The following PSG6 variants were observed in gnomAD, a reference collection of about 807,000 sequenced individuals.
PSG6 encodes the protein pregnancy specific beta-1-glycoprotein 6, also known as pregnancy-specific beta-1-glycoprotein 6.
PSG6 carries 51 observed loss-of-function variants against 43.3 expected under a neutral mutation model. The observed-to-expected ratio is 1.18, with a 90% confidence interval of 0.94 to 1.49. PSG6 has a LOEUF of 1.49. Among genes scored for constraint, PSG6 ranks in the 40% most tolerant of loss-of-function variants. The pLI is 0.00. For synonymous variants in PSG6, 292 were observed against 197.6 expected (o/e 1.48, Z -4.01); for missense variants, 770 against 522.2 (o/e 1.47, Z -4.62).
rs1271126451 is a variant in PSG6 at position 42,902,095 on chromosome 19, G to A, written c.*317C>T. On this transcript the variant is annotated 3_prime_UTR_variant, in exon 6 of 6. Coordinates refer to ENST00000187910, the MANE Select transcript of PSG6 (RefSeq NM_001031850.4). ...GAGAGCAGATTCTTACTGAACTTGTGCAAATAACTTTATTACCATAAACCT... is the reference window on the plus strand; with the variant it reads ...GAGAGCAGATTCTTACTGAACTTGTACAAATAACTTTATTACCATAAACCT... The A allele has an allele frequency of 3.9e-6, 1 of 257,896 alleles. No homozygotes were observed. The highest frequency in any genetic ancestry group is 7.5e-6 in the Non-Finnish European group (1 of 133,194). The allele number at this position is 257,896 out of a possible 1,614,324, so 16.0% of individuals were successfully genotyped here.
intron 3 of PSG6, 27 bp from the exon 4 acceptor site, chr19:42,907,881 G>C (rs777497713): frequency 6.2e-7 from 1 of 1,607,378 alleles, no homozygotes; most frequent in Admixed American, 1.7e-5. Context: ...AGATTGTCCT[G>C]TGTGGCACCT....
In PSG6 at chr19:42,908,004, G is replaced by T. The variant is rs777826358; in HGVS notation, c.707-150C>A. 8.0e-5 allele frequency: 101 copies of T among 1,264,980 alleles called. 1 individual carries two copies. Among genetic ancestry groups the T allele is most frequent in the Non-Finnish European group, 1.1e-4 (96 of 913,182 alleles). 78.4% of individuals were successfully genotyped at this position (1,264,980 alleles called of 1,614,324 possible). A position where few individuals can be genotyped will look rare whatever the true frequency, so the allele number is the denominator to read the frequency against. The stretch of plus-strand genomic sequence containing the variant: ...ATGTGTCACAAGACAGATGTATGAT[G>T]ATCTAAGGGCTCAAAGACTGTGAGG... On this transcript the variant is annotated intron_variant, in intron 3 of 5. Transcript: ENST00000187910.
chr19:42,915,497 C>T (rs992300269), intron 2 of PSG6: 6 of 154,388 alleles, frequency 3.9e-5, no homozygotes, highest in African/African-American at 1.2e-4. Flanking sequence ...GGCTGATGGC[C>T]TACAAAGCTT....
intron 3 of PSG6, 36 bp from the exon 4 acceptor site, chr19:42,907,890 C>A: frequency 1.2e-6 from 2 of 1,604,024 alleles, no homozygotes; most frequent in South Asian, 1.1e-5. Context: ...TGTGTGGCAC[C>A]TTTGATTCCT....
At chr19:42,911,874 TTAGAA>T (rs1568445746) in intron 2 of PSG6, among the ~76,000 whole-genome samples, 2 of 151,234 alleles carry the variant, frequency 1.3e-5, no homozygotes. Context: ...GAATCAGAGA[TTAGAA>T]TAGTAGTTTG....
At chr19:42,914,007 C>G (rs1330219662) in intron 2 of PSG6, among the ~76,000 whole-genome samples, 1 of 151,720 alleles carries the variant, frequency 6.6e-6, no homozygotes. Context: ...TCTTTCTTTA[C>G]TGCAAACCAC....
intron 3 of PSG6, chr19:42,910,018 G>A (rs565414962): frequency 1.1e-5 from 2 of 174,172 alleles, no homozygotes; most frequent in South Asian, 1.4e-4. Context: ...GTGATTTGGG[G>A]TATAAAGAAC....
At chr19:42,903,727 A>C in intron 5 of PSG6, 2 of 762,148 alleles carry the variant, frequency 2.6e-6, no homozygotes, top group Non-Finnish European at 3.5e-6. Flanking sequence ...TGTCTCTACA[A>C]AAAAAAAAAA....
At chr19:42,908,873 G>A (rs188853578) in intron 3 of PSG6, among the ~76,000 whole-genome samples, 2 of 151,768 alleles carry the variant, frequency 1.3e-5, no homozygotes, top group African/African-American at 4.8e-5. Flanking sequence ...AATATGAGAC[G>A]AGGCTGCTGG....
rs750990308 is a variant in PSG6 at position 42,917,719 on chromosome 19, C to T, written c.64+10G>A. On this transcript the variant is annotated intron_variant, in intron 1 of 5. Coordinates refer to ENST00000187910, the MANE Select transcript of PSG6 (RefSeq NM_001031850.4). ...TCCTCCTGTCCTCTCCCAGGAAGTC[C>T]TCTCCTCACCTGTGAGCAGGAGCCC... 4.3e-6 allele frequency: 7 copies of T among 1,609,308 alleles called. No homozygotes were observed. Among genetic ancestry groups the T allele is most frequent in the Non-Finnish European group, 5.9e-6 (7 of 1,177,296 alleles).
In PSG6 at chr19:42,910,556, C is replaced by A. The variant is rs776471661; in HGVS notation, c.706+24G>T. 124 of 1,612,382 alleles carry A rather than the reference C, an allele frequency of 7.7e-5. 4 individuals carry two copies. The highest frequency in any genetic ancestry group is 3.5e-4 in the Admixed American group (21 of 59,910). Reference sequence around the variant, plus strand: ...TTGTATTTGGGATGGCAGCCTGGCTCACAGAGGAACAGAAGATACTCACGG... The same window carrying A: ...TTGTATTTGGGATGGCAGCCTGGCTAACAGAGGAACAGAAGATACTCACGG... On this transcript the variant is annotated intron_variant, in intron 3 of 5. Transcript: ENST00000187910.
At position 42,916,160 on chromosome 19, in the gene PSG6, C is replaced by G; in HGVS notation, c.392G>C (p.Gly131Ala). ...GACAGTGAAATATCCAGTTACTCCT[C>G]CAGTCCCATCGCCTCGCTTTATGAT... ...LHIIKRGDGT[G>A]GVTGYFTVTL... is the part of the protein sequence containing the mutation. The change falls in exon 2 of 6, where the codon GGA (glycine) becomes GCA (alanine). Residue 131 changes from glycine (G) to alanine (A), a missense_variant. Coordinates refer to ENST00000187910, the MANE Select transcript of PSG6 (RefSeq NM_001031850.4). 6.2e-7 allele frequency: 1 copy of G among 1,612,038 alleles called. No individual in the cohort carries two copies. The highest frequency in any genetic ancestry group is 2.2e-5 in the East Asian group (1 of 44,776).
In PSG6 at chr19:42,911,279, C is replaced by G. The variant is rs376863277; in HGVS notation, c.428-421G>C. Among the ~76,000 whole-genome samples, 32 of 151,676 alleles carry G rather than the reference C, an allele frequency of 2.1e-4. 2 individuals carry two copies. Among genetic ancestry groups the G allele is most frequent in the Admixed American group, 1.1e-3 (16 of 15,184 alleles). On this transcript the variant is annotated intron_variant, in intron 2 of 5. Coordinates refer to ENST00000187910, the MANE Select transcript of PSG6 (RefSeq NM_001031850.4). ...ATGTTTTCTCATCAGCTTCCCTTGC[C>G]AAGGACATCCTAGAGATGGATGATG...
intron 5 of PSG6, among the ~76,000 whole-genome samples, 168 bp from the exon 6 acceptor site, chr19:42,902,614 CA>C (rs1163616512): frequency 6.6e-6 from 1 of 151,670 alleles, no homozygotes; most frequent in Non-Finnish European, 1.5e-5. Context: ...ATCAGCCTTG[CA>C]AAAACTCTTA....
chr19:42,903,173 T>A (rs1218947560), intron 5 of PSG6, among the ~76,000 whole-genome samples: 1 of 151,682 alleles, frequency 6.6e-6, no homozygotes, highest in Non-Finnish European at 1.5e-5. Context: ...ATATAGCAGC[T>A]GACATTGGTT....
chr19:42,911,437 C>A (rs1028523496), intron 2 of PSG6, among the ~76,000 whole-genome samples: 1 of 150,716 alleles, frequency 6.6e-6, no homozygotes, highest in Non-Finnish European at 1.5e-5. Context: ...AGTGGAGCCA[C>A]AAGGTGGGGC....
In PSG6 at chr19:42,907,680, A is replaced by G. The variant is rs1972142286; in HGVS notation, c.881T>C (p.Leu294Pro). The change falls in exon 4 of 6, where the codon CTC (leucine) becomes CCC (proline). Residue 294 changes from leucine to proline, a missense_variant. Transcript: ENST00000187910. ...ATTTCTCGTGACACTGGGTAGAATG[A>G]GTATCCTGTTTTCAATGGGTCGCTT... ...RVKRPIENRI[L>P]ILPSVTRNET... 8.1e-6 allele frequency: 13 copies of G among 1,610,984 alleles called. No individual in the cohort carries two copies. Among genetic ancestry groups the G allele is most frequent in the South Asian group, 1.1e-5 (1 of 90,768 alleles).
intron 2 of PSG6, among the ~76,000 whole-genome samples, chr19:42,912,054 T>C (rs1269161567): frequency 6.6e-6 from 1 of 151,682 alleles, no homozygotes; most frequent in Non-Finnish European, 1.5e-5. Context: ...TTTGGATTTC[T>C]AATTTTTTTT....
At chr19:42,915,078 G>A (rs1356782367) in intron 2 of PSG6, among the ~76,000 whole-genome samples, 10 of 151,524 alleles carry the variant, frequency 6.6e-5, no homozygotes, top group African/African-American at 2.2e-4. Context: ...GGGGTCCTTG[G>A]AACCCAGTAA....
Sources: gnomAD v4.1 joint callset for allele counts (sites outside exome capture counted in the v4.1 genomes callset) on GRCh38, gnomAD v4.1.1 for gene constraint, MANE v1.5 for transcripts, NCBI Gene and HGNC (gene_info 2026-07-23, HGNC 2026-07-21) for gene names.